The following OCLN variants were observed in gnomAD, a reference collection of about 807,000 sequenced individuals.
The protein encoded by OCLN is phosphatase 1, regulatory subunit 115.
A neutral mutation model predicts 47.9 loss-of-function variants in OCLN; 21 were observed. The ratio of observed to expected loss-of-function variants is 0.44; its 90% confidence interval spans 0.31 to 0.63. The LOEUF is 0.63. Ranked by LOEUF, OCLN falls within the 30% of genes least tolerant of loss-of-function variation. The probability of loss-of-function intolerance (pLI) is 0.08; values close to 1 mark genes in which losing one functional copy is unlikely to be tolerated. For synonymous variants in OCLN, 117 were observed against 198.4 expected, an observed-to-expected ratio of 0.59 and a Z score of 3.45; for missense variants, 360 against 571.0, an observed-to-expected ratio of 0.63 and a Z score of 3.77.
At chr5:69,516,524 G>T (rs577499513) in intron 4 of OCLN, among the ~76,000 whole-genome samples, 12 of 152,122 alleles carry the variant, frequency 7.9e-5, no homozygotes, top group Middle Eastern at 3.4e-3. Context: ...GAGAGGGAGA[G>T]GGGGGAGAGG....
At chr5:69,502,546 T>C (rs945933578) in intron 1 of OCLN, 10 of 152,198 alleles carry the variant, frequency 6.6e-5, no homozygotes, top group African/African-American at 2.4e-4. Context: ...ATGCAAAAAT[T>C]CCTGCTCACA....
At chr5:69,533,025 A>G (rs376503852) in intron 4 of OCLN, among the ~76,000 whole-genome samples, 3 of 72,330 alleles carry the variant, frequency 4.1e-5, no homozygotes, top group East Asian at 3.7e-4. Flanking sequence ...GTGTGTGTGT[A>G]TACACACACA....
intron 4 of OCLN, among the ~76,000 whole-genome samples, chr5:69,518,371 G>A (rs1429065371): frequency 6.6e-6 from 1 of 152,116 alleles, no homozygotes; most frequent in Non-Finnish European, 1.5e-5. Flanking sequence ...CTTAACCAGA[G>A]GCAAATTCCT....
At position 69,507,669 on chromosome 5, in the gene OCLN, G is replaced by A. The variant is rs181777798; in HGVS notation, c.51-1472G>A. Among the ~76,000 whole-genome samples the A allele has an allele frequency of 2.7e-3, 400 of 150,764 alleles. 8 individuals carry two copies. Among genetic ancestry groups the A allele is most frequent in the Admixed American group, 0.02 (299 of 15,184 alleles). ...TGCCCAGGCTGGAGTGCAATGGCAC[G>A]GTCTCGGCTTACTGCAACCTCCACC... On this transcript the variant is annotated intron_variant, in intron 2 of 8. Coordinates refer to ENST00000396442, the MANE Select transcript of OCLN (RefSeq NM_001205254.2).
intron 4 of OCLN, among the ~76,000 whole-genome samples, chr5:69,523,604 C>T (rs1304246923): frequency 3.3e-5 from 5 of 151,176 alleles, no homozygotes; most frequent in South Asian, 4.2e-4. Flanking sequence ...GGCATGATCT[C>T]GGCTCACTGC....
intron 4 of OCLN, among the ~76,000 whole-genome samples, chr5:69,516,050 C>T (rs936414922): frequency 5.6e-5 from 8 of 142,708 alleles, no homozygotes; most frequent in African/African-American, 1.8e-4. Context: ...ACGTCCCAGA[C>T]GATGGGCGGC....
intron 1 of OCLN, among the ~76,000 whole-genome samples, chr5:69,501,631 G>A (rs116777480): frequency 3.9e-4 from 57 of 145,584 alleles, no homozygotes; most frequent in Non-Finnish European, 3.7e-4. Flanking sequence ...TGTCTCAAAA[G>A]AAAAAAAAAA....
At chr5:69,498,922 G>A (rs908110441) in intron 1 of OCLN, among the ~76,000 whole-genome samples, 4 of 151,974 alleles carry the variant, frequency 2.6e-5, no homozygotes, top group Non-Finnish European at 5.9e-5. Flanking sequence ...CAAGTGATCC[G>A]CCCGTCTTGG....
intron 3 of OCLN, among the ~76,000 whole-genome samples, chr5:69,510,505 C>A: frequency 6.6e-6 from 1 of 151,910 alleles, no homozygotes; most frequent in East Asian, 1.9e-4. Context: ...TAAGGTGAAA[C>A]CCCGTCTCTA....
In OCLN at chr5:69,493,279, C is replaced by T. The variant is rs979664968; in HGVS notation, c.-69+379C>T. 6.6e-6 allele frequency among the ~76,000 whole-genome samples: 1 copy of T among 152,010 alleles called. No homozygotes were observed. The highest frequency in any genetic ancestry group is 1.5e-5 in the Non-Finnish European group (1 of 67,992). ...GGCTGCAGTTTGGGGGGGCGGCCTT[C>T]ATGGAGAGGGATCCTGCGCCCAGCT... On this transcript the variant is annotated intron_variant, in intron 1 of 8. Coordinates refer to ENST00000396442, the MANE Select transcript of OCLN (RefSeq NM_001205254.2). This position sits in a 1 kb window ranked among gnomAD's most constrained non-coding sequence, Gnocchi z 5.3.
At chr5:69,512,113 C>T (rs1768806977) in intron 3 of OCLN, among the ~76,000 whole-genome samples, 1 of 151,332 alleles carries the variant, frequency 6.6e-6, no homozygotes, top group Non-Finnish European at 1.5e-5. Flanking sequence ...GGTGTCATAT[C>T]TAATGCTTTG....
At chr5:69,496,389 C>A (rs568295068) in intron 1 of OCLN, among the ~76,000 whole-genome samples, 1 of 151,940 alleles carries the variant, frequency 6.6e-6, no homozygotes, top group Non-Finnish European at 1.5e-5. Context: ...TGAGCCACCG[C>A]GCCCGGCCAC....
At chr5:69,529,134 G>T (rs1470339072) in intron 4 of OCLN, among the ~76,000 whole-genome samples, 2 of 152,290 alleles carry the variant, frequency 1.3e-5, no homozygotes, top group African/African-American at 4.8e-5. Flanking sequence ...GGGAGTCAGG[G>T]TGGGGAAGGT....
At chr5:69,525,270 A>C (rs1370108737) in intron 4 of OCLN, among the ~76,000 whole-genome samples, 1 of 151,602 alleles carries the variant, frequency 6.6e-6, no homozygotes, top group East Asian at 2.0e-4. Flanking sequence ...ACACCCAGCT[A>C]ATTTTTTGTA....
intron 1 of OCLN, among the ~76,000 whole-genome samples, chr5:69,494,930 A>C (rs1768250116): frequency 6.6e-6 from 1 of 152,182 alleles, no homozygotes; most frequent in Non-Finnish European, 1.5e-5. Context: ...CCAGAACCAG[A>C]TTTGGGGAAT....
chr5:69,533,101 A>T (rs1769489994), intron 4 of OCLN, among the ~76,000 whole-genome samples: 1 of 140,560 alleles, frequency 7.1e-6, no homozygotes. Context: ...ACACACACAC[A>T]CACACACATA....
rs1404166541 is a variant in OCLN, at chr5:69,493,063, G to A, written c.-69+163G>A. Among the ~76,000 whole-genome samples, 1 of 152,202 alleles carries A rather than the reference G, an allele frequency of 6.6e-6. No homozygotes were observed. The highest frequency in any genetic ancestry group is 1.5e-5 in the Non-Finnish European group (1 of 68,026). ...GGACTCGTGGGAACCAGAGAGGCGC[G>A]GGTCTGCGGAGAGAGCAGCACCGGC... On this transcript the variant is annotated intron_variant, in intron 1 of 8. Coordinates refer to ENST00000396442, the MANE Select transcript of OCLN (RefSeq NM_001205254.2). This position sits in a 1 kb window ranked among gnomAD's most constrained non-coding sequence, Gnocchi z 5.3.
At chr5:69,500,037 T>G (rs1768412392) in intron 1 of OCLN, among the ~76,000 whole-genome samples, 1 of 152,238 alleles carries the variant, frequency 6.6e-6, no homozygotes, top group South Asian at 2.1e-4. Context: ...ATTCTGACAT[T>G]ACAGAGATCT....
At chr5:69,504,366 CTT>C in intron 2 of OCLN, 72 bp downstream of exon 2, 1 of 917,442 alleles carries the variant, frequency 1.1e-6, no homozygotes, top group Non-Finnish European at 1.8e-6. Flanking sequence ...ATGGTTGAAA[CTT>C]TAAGTGTTTG....
Sources: gnomAD v4.1 joint callset for allele counts (sites outside exome capture counted in the v4.1 genomes callset) on GRCh38, gnomAD v4.1.1 for gene constraint, Gnocchi (gnomAD v3.1) non-coding constraint, MANE v1.5 for transcripts, NCBI Gene and HGNC (gene_info 2026-07-23, HGNC 2026-07-21) for gene names.